The following MARS1 variants were observed in gnomAD, a reference collection of about 807,000 sequenced individuals.
MARS1 encodes methionine--tRNA ligase, cytoplasmic.
Under a neutral mutation model 119.5 loss-of-function variants are expected in MARS1, and 80 were observed. The ratio of observed to expected loss-of-function variants is 0.67; its 90% confidence interval spans 0.56 to 0.81. MARS1 has a LOEUF of 0.81. Among genes scored for constraint, MARS1 ranks in the 30% least tolerant of loss-of-function variants. MARS1 has a pLI of 0.00. For synonymous variants in MARS1, 418 were observed against 433.4 expected (o/e 0.96, Z 0.44); for missense variants, 945 against 1,116.5 (o/e 0.85, Z 2.19).
At chr12:57,504,169 T>TGGAC (rs1877066324) in intron 10 of MARS1, 56 bp from the exon 11 acceptor site, 2 of 1,267,920 alleles carry the variant, frequency 1.6e-6, no homozygotes, top group Non-Finnish European at 2.3e-6. Flanking sequence ...TCCCCTTGCC[T>TGGAC]GGACCCCTCC....
intron 7 of MARS1, among the ~76,000 whole-genome samples, chr12:57,493,224 T>G (rs1876080085): frequency 7.0e-6 from 1 of 142,080 alleles, no homozygotes; most frequent in Non-Finnish European, 1.5e-5. Context: ...GGGCCAAATG[T>G]TCTGTAGATA....
At chr12:57,514,663 G>A (rs1877687117) in intron 15 of MARS1, 57 bp from the exon 16 acceptor site, 1 of 1,606,364 alleles carries the variant, frequency 6.2e-7, no homozygotes, top group Non-Finnish European at 8.5e-7. Flanking sequence ...CTAACAAGGA[G>A]ACGGGATAAT....
At chr12:57,493,883 AT>A (rs1876413912) in intron 7 of MARS1, among the ~76,000 whole-genome samples, 1 of 57,350 alleles carries the variant, frequency 1.7e-5, no homozygotes, top group African/African-American at 8.0e-5. Context: ...TATATAATAT[AT>A]AATATATATT....
At chr12:57,514,198 C>T (rs1877660912) in intron 15 of MARS1, among the ~76,000 whole-genome samples, 1 of 139,192 alleles carries the variant, frequency 7.2e-6, no homozygotes, top group African/African-American at 2.7e-5. Flanking sequence ...TCTCTTGTTG[C>T]CCAGGCTGGA....
chr12:57,502,159 G>T (rs1464407793), intron 10 of MARS1, among the ~76,000 whole-genome samples: 2 of 152,176 alleles, frequency 1.3e-5, no homozygotes, highest in Non-Finnish European at 2.9e-5. Flanking sequence ...GGATAGACTG[G>T]AATTTGGGAT....
At chr12:57,506,712 T>C (rs906387206) in intron 11 of MARS1, among the ~76,000 whole-genome samples, 3 of 152,184 alleles carry the variant, frequency 2.0e-5, no homozygotes, top group African/African-American at 4.8e-5. Context: ...AGTCCCGCTC[T>C]GTTGCCCAGA....
At chr12:57,508,670 ACCGTG>A (rs367715790) in intron 11 of MARS1, among the ~76,000 whole-genome samples, 7 of 88,628 alleles carry the variant, frequency 7.9e-5, no homozygotes, top group Non-Finnish European at 1.4e-4. Context: ...GGAGAGGGAG[ACCGTG>A]GGGAGAGGTA....
intron 1 of MARS1, 64 bp downstream of exon 1, chr12:57,488,263 TGCAGCTGTCTTTGC>T: frequency 6.7e-7 from 1 of 1,488,284 alleles, no homozygotes; most frequent in African/African-American, 1.4e-5. Context: ...CCAGATTCTC[TGCAGCTGTCTTTGC>T]CAAACCCCTA....
At chr12:57,493,894 T>TA (rs1565641496) in intron 7 of MARS1, among the ~76,000 whole-genome samples, 1 of 58,428 alleles carries the variant, frequency 1.7e-5, no homozygotes, top group African/African-American at 8.1e-5. Flanking sequence ...TAATATATAT[T>TA]TATGTTATAT....
rs764572846 is a variant in MARS1, at chr12:57,498,235, C to T, written c.849C>T (p.Asn283=). 1.4e-5 allele frequency: 23 copies of T among 1,614,102 alleles called. No homozygotes were observed. Among genetic ancestry groups the T allele is most frequent in the Non-Finnish European group, 1.9e-5 (22 of 1,180,038 alleles). The change falls in exon 8 of 21, where the codon AAC becomes AAT. Residue 283 remains asparagine, a synonymous_variant. Transcript: ENST00000262027. The stretch of plus-strand genomic sequence containing the variant: ...TCAACAATGTCCCCCACCTTGGGAA[C>T]ATCATTGGTTGTGTGCTCAGTGCCG... ...PYVNNVPHLG[N]IIGCVLSADV...
At chr12:57,516,021 C>G (rs749915145) in intron 19 of MARS1, 30 bp downstream of exon 19, 2 of 1,596,936 alleles carry the variant, frequency 1.3e-6, no homozygotes, top group Non-Finnish European at 1.7e-6. Context: ...TGCCCTCGCT[C>G]CACAACAGCC....
At chr12:57,500,003 A>G (rs1397652116) in intron 9 of MARS1, 1 of 326,662 alleles carries the variant, frequency 3.1e-6, no homozygotes, top group Non-Finnish European at 5.9e-6. Flanking sequence ...TTTTTAGGAT[A>G]TATTAAAGAA....
chr12:57,501,268 T>G (rs1183734887), intron 10 of MARS1, among the ~76,000 whole-genome samples: 1 of 152,148 alleles, frequency 6.6e-6, no homozygotes, highest in South Asian at 2.1e-4. Flanking sequence ...TGAGATGAGG[T>G]GAGAGAGATG....
intron 7 of MARS1, among the ~76,000 whole-genome samples, chr12:57,496,576 C>T (rs935041163): frequency 9.2e-5 from 14 of 152,020 alleles, no homozygotes; most frequent in African/African-American, 3.1e-4. Flanking sequence ...CCCAGGAGTT[C>T]GAGACCAGTC....
chr12:57,489,883 A>T lies in MARS1; in HGVS notation c.415-13A>T. 1.2e-6 allele frequency: 2 copies of T among 1,612,096 alleles called. No homozygotes were observed. The highest frequency in any genetic ancestry group is 8.5e-7 in the Non-Finnish European group (1 of 1,178,162). On this transcript the variant is annotated splice_polypyrimidine_tract_variant and intron_variant, in intron 4 of 20. Transcript: ENST00000262027. ...TCATTTGTGTACATTTTCCTTTTCT[A>T]TCCCCAACAAAGGAGACAGAATCTC...
chr12:57,488,230 T>TG lies in MARS1; in HGVS notation c.109+38dup, dbSNP rs766598952. 7.1e-5 allele frequency: 113 copies of TG among 1,584,368 alleles called. 1 individual carries two copies. Among genetic ancestry groups the TG allele is most frequent in the South Asian group, 5.5e-4 (50 of 90,348 alleles). ...CGTGCTGGTGCTGGTGGGCGGTGGATGGGGGGGCGGGACCGAAACACGCCA... is the reference window on the plus strand; with the variant it reads ...CGTGCTGGTGCTGGTGGGCGGTGGATGGGGGGGGCGGGACCGAAACACGCCA... On this transcript the variant is annotated intron_variant, in intron 1 of 20. Coordinates refer to ENST00000262027, the MANE Select transcript of MARS1 (RefSeq NM_004990.4).
chr12:57,493,238 A>G (rs1876081236), intron 7 of MARS1, among the ~76,000 whole-genome samples: 1 of 138,094 alleles, frequency 7.2e-6, no homozygotes, highest in Admixed American at 8.7e-5. Context: ...GTAGATATTG[A>G]TAACATTTGA....
In MARS1 at chr12:57,511,714, A is replaced by C; in HGVS notation, c.1385A>C (p.Glu462Ala). ...TTATCTCAGCTGGAGAAGCGACTGG[A>C]GGAGTGGTTGGGGAGGACATTGCCT... is the stretch of plus-strand genomic sequence containing the variant. ...LDLPKLEKRL[E>A]EWLGRTLPGS... Residue 462 changes from glutamate (E) to alanine (A), a missense_variant, in exon 12 of 21, where the codon GAG becomes GCG. Transcript: ENST00000262027. 1 of 1,614,184 alleles carries C rather than the reference A, an allele frequency of 6.2e-7. No individual in the cohort carries two copies. The highest frequency in any genetic ancestry group is 1.3e-5 in the African/African-American group (1 of 75,044).
Position 57,514,851 on chromosome 12 carries a change from G to A in MARS1, c.2099G>A (p.Arg700Gln), listed in dbSNP as rs775091584. The A allele has an allele frequency of 5.0e-6, 8 of 1,613,586 alleles. No individual in the cohort carries two copies. The South Asian group carries it at 7.7e-5, about 16-fold the overall frequency. The change falls in exon 16 of 21, where the codon CGG becomes CAG. Residue 700 changes from arginine (R) to glutamine (Q), a missense_variant and splice_region_variant. Arg to Gln is a conservative substitution (Grantham distance 43, BLOSUM62 1). Transcript: ENST00000262027. Reference protein sequence around the residue: ...QHYHQLLEKVRIRDALRSILT... With the variant: ...QHYHQLLEKVQIRDALRSILT... ...TATCACCAGCTACTTGAGAAGGTTC[G>A]GTAAGTAACTGACACCTCTGTCTTT...
Sources: allele counts gnomAD v4.1 joint callset (sites outside exome capture counted in the v4.1 genomes callset), GRCh38; gene constraint gnomAD v4.1.1; transcripts MANE v1.5; gene names NCBI Gene and HGNC (gene_info 2026-07-23, HGNC 2026-07-21).